SEL1L3: variants seen among roughly 807,000 people sequenced by gnomAD.
SEL1L3 encodes the protein SEL1L family member 3.
SEL1L3 carries 76 observed loss-of-function variants against 142.8 expected under a neutral mutation model. The observed-to-expected ratio is 0.53, with a 90% CI of 0.44 to 0.64. SEL1L3 has a LOEUF of 0.64. Ranked by LOEUF, SEL1L3 falls within the 30% of genes least tolerant of loss-of-function variation. SEL1L3 has a pLI of 0.00. For synonymous variants in SEL1L3, 504 were observed against 519.6 expected, an observed-to-expected ratio of 0.97 and a Z score of 0.41; for missense variants, 1,262 against 1,381.7, an observed-to-expected ratio of 0.91 and a Z score of 1.37.
chr4:25,814,176 A>G (rs972770179), intron 9 of SEL1L3, among the ~76,000 whole-genome samples: 2 of 139,018 alleles, frequency 1.4e-5, no homozygotes, highest in Admixed American at 7.5e-5. Flanking sequence ...TTTGTTAAAA[A>G]TTCCAGAAAA....
At chr4:25,772,980 C>T (rs138193940) in intron 17 of SEL1L3, among the ~76,000 whole-genome samples, 3 of 151,954 alleles carry the variant, frequency 2.0e-5, no homozygotes, top group African/African-American at 4.8e-5. Flanking sequence ...GTATTTTAGT[C>T]GAGATGGGGT....
chr4:25,760,704 G>A (rs1359525794), intron 20 of SEL1L3, among the ~76,000 whole-genome samples: 2 of 152,100 alleles, frequency 1.3e-5, no homozygotes, highest in Admixed American at 1.3e-4. Flanking sequence ...CAATCTAAAT[G>A]AAAATCATCA....
intron 1 of SEL1L3, among the ~76,000 whole-genome samples, chr4:25,848,738 G>A (rs1716702904): frequency 6.6e-6 from 1 of 152,242 alleles, no homozygotes; most frequent in South Asian, 2.1e-4. Context: ...TGTTGGTGAA[G>A]ATGTGGAGAA....
At chr4:25,720,729 A>G in the SEL1L3 span, 4 of 152,226 alleles carry the variant, frequency 2.6e-5, no homozygotes, top group African/African-American at 9.6e-5. Context: ...CCCATCAGCG[A>G]TAGTAAAGGG....
chr4:25,793,182 C>A lies in SEL1L3; in HGVS notation c.1957-2608G>T, dbSNP rs569934936. ...TTCAAATTGAGGAGTCAAATCCAAG[C>A]CGGCTGGTTGTGGGGCCCACATCCT... On this transcript the variant is annotated intron_variant, in intron 11 of 23. Coordinates refer to ENST00000399878, the MANE Select transcript of SEL1L3 (RefSeq NM_015187.5). 6.6e-5 allele frequency among the ~76,000 whole-genome samples: 10 copies of A among 152,262 alleles called. No homozygotes were observed. The East Asian group carries it at 1.9e-3, about 29-fold the overall frequency.
chr4:25,790,650 G>T (rs1353748962), intron 11 of SEL1L3, 76 bp from the exon 12 acceptor site: 1 of 49,502 alleles, frequency 2.0e-5, no homozygotes, highest in Non-Finnish European at 4.0e-5. Context: ...AAGGAAGGAA[G>T]GAAGGAAGGA....
At chr4:25,781,299 G>A (rs1239854518) in intron 15 of SEL1L3, among the ~76,000 whole-genome samples, 1 of 152,150 alleles carries the variant, frequency 6.6e-6, no homozygotes, top group Non-Finnish European at 1.5e-5. Flanking sequence ...GTGTTCAGAA[G>A]GGTGCCTGGC....
the SEL1L3 span, among the ~76,000 whole-genome samples, chr4:25,726,554 A>C: frequency 8.6e-5 from 13 of 151,798 alleles, no homozygotes; most frequent in Non-Finnish European, 1.6e-4. Context: ...AACCCAAAAA[A>C]AAACCTGTTG....
At chr4:25,725,965 G>A in the SEL1L3 span, among the ~76,000 whole-genome samples, 3,231 of 152,166 alleles carry the variant, frequency 0.021, 47 homozygotes, top group Middle Eastern at 0.054. Flanking sequence ...CAGCGTCCTC[G>A]TGACCGGTAT....
chr4:25,769,939 G>A (rs761787668), intron 17 of SEL1L3, among the ~76,000 whole-genome samples: 4 of 151,984 alleles, frequency 2.6e-5, no homozygotes, highest in African/African-American at 4.8e-5. Context: ...ACCAGCCTGG[G>A]CAACAGTAGA....
At chr4:25,809,308 ATTTT>A (rs71190851) in intron 9 of SEL1L3, among the ~76,000 whole-genome samples, 5 of 139,276 alleles carry the variant, frequency 3.6e-5, no homozygotes, top group Admixed American at 2.8e-4. Flanking sequence ...TGCTTGGCTA[ATTTT>A]TTTTTTTTTT....
chr4:25,779,546 G>T (rs2109165062), intron 15 of SEL1L3, among the ~76,000 whole-genome samples: 1 of 152,324 alleles, frequency 6.6e-6, no homozygotes, highest in Middle Eastern at 3.4e-3. Flanking sequence ...CCAGGCATTT[G>T]CTTTCCTAAC....
chr4:25,825,967 C>T (rs527327089), intron 6 of SEL1L3, among the ~76,000 whole-genome samples: 29 of 152,084 alleles, frequency 1.9e-4, no homozygotes, highest in Non-Finnish European at 3.2e-4. Flanking sequence ...CCACCACGCC[C>T]GGCCGGCCTG....
At chr4:25,803,883 A>G (rs1713364931) in intron 10 of SEL1L3, among the ~76,000 whole-genome samples, 1 of 151,626 alleles carries the variant, frequency 6.6e-6, no homozygotes, top group African/African-American at 2.4e-5. Flanking sequence ...GACTGGAATT[A>G]CACTATTGGC....
chr4:25,811,407 A>G (rs1323674782), intron 9 of SEL1L3, among the ~76,000 whole-genome samples: 1 of 152,190 alleles, frequency 6.6e-6, no homozygotes, highest in East Asian at 1.9e-4. Context: ...CTCAGAGGAA[A>G]CAGGCTGAGG....
the SEL1L3 span, chr4:25,719,607 T>C: frequency 6.6e-6 from 1 of 152,158 alleles, no homozygotes; most frequent in Admixed American, 6.5e-5. Flanking sequence ...GGATGAGGTA[T>C]TGTTGAATTG....
chr4:25,803,844 C>T (rs1323407067), intron 10 of SEL1L3, among the ~76,000 whole-genome samples: 1 of 151,472 alleles, frequency 6.6e-6, no homozygotes, highest in African/African-American at 2.4e-5. Flanking sequence ...ATGGCCTCAT[C>T]TCTCCTGATT....
intron 1 of SEL1L3, among the ~76,000 whole-genome samples, chr4:25,855,339 A>C (rs554315939): frequency 2.6e-5 from 4 of 152,222 alleles, no homozygotes; most frequent in Non-Finnish European, 5.9e-5. Flanking sequence ...ACAAGCTAAA[A>C]ATTTATCTGC....
chr4:25,856,348 G>A (rs1307847509), intron 1 of SEL1L3, among the ~76,000 whole-genome samples: 1 of 152,100 alleles, frequency 6.6e-6, no homozygotes, highest in Non-Finnish European at 1.5e-5. Context: ...AAGATATTTG[G>A]GGTGAAGAGG....
Sources: gnomAD v4.1 joint callset for allele counts (sites outside exome capture counted in the v4.1 genomes callset) on GRCh38, gnomAD v4.1.1 for gene constraint, MANE v1.5 for transcripts, NCBI Gene and HGNC (gene_info 2026-07-23, HGNC 2026-07-21) for gene names.